GALNT18: variants seen among roughly 807,000 people sequenced by gnomAD.
GALNT18 encodes the protein GalNAc-transferase 18.
GALNT18 carries 44 observed loss-of-function variants against 69.5 expected under a neutral mutation model. The observed-to-expected ratio is 0.63, with a 90% CI of 0.50 to 0.81. The LOEUF (loss-of-function observed/expected upper bound fraction) is 0.81, where lower values mean the gene tolerates loss of function less well. Ranked by LOEUF, GALNT18 falls within the 40% of genes least tolerant of loss-of-function variation. The probability of loss-of-function intolerance (pLI) is 0.00; values close to 1 mark genes in which losing one functional copy is unlikely to be tolerated. For missense variants in GALNT18, 715 were observed against 810.0 expected, an observed-to-expected ratio of 0.88 and a Z score of 1.42; for synonymous variants, 364 against 318.2, an observed-to-expected ratio of 1.14 and a Z score of -1.53.
rs550726452 is a variant in GALNT18, at chr11:11,492,594, G to T, written c.236-43658C>A. Among the ~76,000 whole-genome samples, 11 of 152,264 alleles carry T rather than the reference G, an allele frequency of 7.2e-5. 1 individual carries two copies. The South Asian group carries it at 1.9e-3, about 26-fold the overall frequency. On this transcript the variant is annotated intron_variant, in intron 1 of 10. Coordinates refer to ENST00000227756, the MANE Select transcript of GALNT18 (RefSeq NM_198516.3). ...AAAAAAGAATGAGTTCATGTCCTTTGCAGGGACATGGATGAAGCTGGAAAC... is the reference window on the plus strand; with the variant it reads ...AAAAAAGAATGAGTTCATGTCCTTTTCAGGGACATGGATGAAGCTGGAAAC...
intron 1 of GALNT18, among the ~76,000 whole-genome samples, chr11:11,485,086 GACA>G (rs1590044070): frequency 6.6e-6 from 1 of 152,214 alleles, no homozygotes; most frequent in Non-Finnish European, 1.5e-5. Context: ...ACAATGTAGG[GACA>G]ACATGTTTAT....
chr11:11,286,910 C>T (rs983949941), intron 10 of GALNT18, among the ~76,000 whole-genome samples: 17 of 152,266 alleles, frequency 1.1e-4, no homozygotes, highest in African/African-American at 3.4e-4. Flanking sequence ...CATCTAACTT[C>T]GGGAGCTTAG....
intron 1 of GALNT18, among the ~76,000 whole-genome samples, chr11:11,522,644 A>C (rs1419771958): frequency 6.6e-6 from 1 of 152,202 alleles, no homozygotes; most frequent in African/African-American, 2.4e-5. Context: ...TAGAATCCTG[A>C]CACAAGCTAC....
chr11:11,329,991 A>G (rs1849990389), intron 8 of GALNT18, among the ~76,000 whole-genome samples: 1 of 152,198 alleles, frequency 6.6e-6, no homozygotes, highest in Non-Finnish European at 1.5e-5. Context: ...TAACATTCAG[A>G]AGCCAGGCAT....
rs569997151 is a variant in GALNT18 at position 11,454,081 on chromosome 11, G to A, written c.236-5145C>T. Among the ~76,000 whole-genome samples the A allele has an allele frequency of 5.3e-5, 8 of 152,244 alleles. No homozygotes were observed. Among genetic ancestry groups the A allele is most frequent in the African/African-American group, 9.6e-5 (4 of 41,552 alleles). Reference sequence around the variant, plus strand: ...AATAGGGCATTAGCAGTGGGTCGTCGTGAGGTCAGAAAACTCCCTGCCTAC... The same window carrying A: ...AATAGGGCATTAGCAGTGGGTCGTCATGAGGTCAGAAAACTCCCTGCCTAC... On this transcript the variant is annotated intron_variant, in intron 1 of 10. Transcript: ENST00000227756. This position sits in a 1 kb window ranked among gnomAD's most constrained non-coding sequence, Gnocchi z 4.2.
At chr11:11,479,517 C>G (rs1227331980) in intron 1 of GALNT18, among the ~76,000 whole-genome samples, 1 of 152,150 alleles carries the variant, frequency 6.6e-6, no homozygotes, top group Non-Finnish European at 1.5e-5. Context: ...TTCAATAGTG[C>G]TTCCCAGATC....
rs1036095453 is a variant in GALNT18, at chr11:11,592,100, T to G, written c.235+29259A>C. Among the ~76,000 whole-genome samples, 1 of 152,168 alleles carries G rather than the reference T, an allele frequency of 6.6e-6. No homozygotes were observed. The highest frequency in any genetic ancestry group is 2.4e-5 in the African/African-American group (1 of 41,454). ...CATGGTACCTGGCATGTAATAAAACTCAATAAATGCTAGCTATTTGGCACA... is the reference window on the plus strand; with the variant it reads ...CATGGTACCTGGCATGTAATAAAACGCAATAAATGCTAGCTATTTGGCACA... On this transcript the variant is annotated intron_variant, in intron 1 of 10. Transcript: ENST00000227756. This position sits in a 1 kb window ranked among gnomAD's most constrained non-coding sequence, Gnocchi z 5.9.
At position 11,339,387 on chromosome 11, in the gene GALNT18, G is replaced by C. The variant is rs1186483487; in HGVS notation, c.1278+1432C>G. Among the ~76,000 whole-genome samples the C allele has an allele frequency of 6.6e-6, 1 of 152,100 alleles. No homozygotes were observed. Among genetic ancestry groups the C allele is most frequent in the Non-Finnish European group, 1.5e-5 (1 of 68,030 alleles). On this transcript the variant is annotated intron_variant, in intron 7 of 10. Coordinates refer to ENST00000227756, the MANE Select transcript of GALNT18 (RefSeq NM_198516.3). The surrounding 1 kb of genome is among the most constrained non-coding windows in gnomAD (Gnocchi z 5.2). ...CACCTGTCAGCTGCAAGGGGGAGAG[G>C]GCTAGAAGTTTTGCAGCTCTGGGGT...
rs1038768158 is a variant in GALNT18, at chr11:11,546,386, GCT to G, written c.235+74971_235+74972del. Among the ~76,000 whole-genome samples the G allele has an allele frequency of 1.3e-5, 2 of 151,872 alleles. No individual in the cohort carries two copies. Among genetic ancestry groups the G allele is most frequent in the Non-Finnish European group, 2.9e-5 (2 of 67,980 alleles). On this transcript the variant is annotated intron_variant, in intron 1 of 10. Transcript: ENST00000227756. The surrounding 1 kb of genome is among the most constrained non-coding windows in gnomAD (Gnocchi z 5.8). ...TTTATTCTCTCCATTTCTGCCTTCC[GCT>G]CTCTGTGCCAACCACACCAACCTGC...
chr11:11,361,105 G>T (rs1009882661), intron 6 of GALNT18, among the ~76,000 whole-genome samples: 1 of 152,196 alleles, frequency 6.6e-6, no homozygotes, highest in Non-Finnish European at 1.5e-5. Context: ...TCAAAGGCAG[G>T]GGCTGTCATT....
rs1386523410 is a variant in GALNT18, at chr11:11,582,934, G to A, written c.235+38425C>T. Among the ~76,000 whole-genome samples the A allele has an allele frequency of 1.3e-5, 2 of 152,140 alleles. No individual in the cohort carries two copies. Among genetic ancestry groups the A allele is most frequent in the African/African-American group, 2.4e-5 (1 of 41,424 alleles). On this transcript the variant is annotated intron_variant, in intron 1 of 10. Transcript: ENST00000227756. This position sits in a 1 kb window ranked among gnomAD's most constrained non-coding sequence, Gnocchi z 5.0. ...CACACCCCACAGAAGTGGTTGTCAT[G>A]GTCCTGCAGAGAGGAAGATCTAAGA...
intron 1 of GALNT18, among the ~76,000 whole-genome samples, chr11:11,539,004 T>G (rs551473963): frequency 1.3e-5 from 2 of 152,156 alleles, no homozygotes; most frequent in African/African-American, 4.8e-5. Context: ...GACCTAACTA[T>G]CTTGTTCTCT....
intron 10 of GALNT18, among the ~76,000 whole-genome samples, chr11:11,280,102 TAAAG>T (rs1590001357): frequency 6.6e-6 from 1 of 151,988 alleles, no homozygotes; most frequent in Admixed American, 6.6e-5. Context: ...TTCACACAAA[TAAAG>T]CAAGATTCCT....
rs1351986241 is a variant in GALNT18 at position 11,461,551 on chromosome 11, C to T, written c.236-12615G>A. On this transcript the variant is annotated intron_variant, in intron 1 of 10. Transcript: ENST00000227756. The surrounding 1 kb of genome is among the most constrained non-coding windows in gnomAD (Gnocchi z 4.1). Reference sequence around the variant, plus strand: ...ATATAATAAACTCTGAAGCACATACCGTTATCCCCCCCGCTCCCGCCCGCC... The same window carrying T: ...ATATAATAAACTCTGAAGCACATACTGTTATCCCCCCCGCTCCCGCCCGCC... Among the ~76,000 whole-genome samples the T allele has an allele frequency of 2.0e-5, 3 of 152,086 alleles. No homozygotes were observed. Among genetic ancestry groups the T allele is most frequent in the African/African-American group, 2.4e-5 (1 of 41,376 alleles).
intron 1 of GALNT18, among the ~76,000 whole-genome samples, chr11:11,612,764 C>T (rs911019983): frequency 2.6e-5 from 4 of 152,224 alleles, no homozygotes; most frequent in East Asian, 1.9e-4. Flanking sequence ...AACCTATTCA[C>T]GCTAAAGAAC....
chr11:11,285,491 G>C (rs1396519377), intron 10 of GALNT18, among the ~76,000 whole-genome samples: 1 of 152,146 alleles, frequency 6.6e-6, no homozygotes, highest in Non-Finnish European at 1.5e-5. Context: ...ATCACACCTA[G>C]TCCCGGTCCC....
chr11:11,311,752 A>G (rs1849676837), intron 9 of GALNT18, among the ~76,000 whole-genome samples: 1 of 152,180 alleles, frequency 6.6e-6, no homozygotes, highest in Non-Finnish European at 1.5e-5. Flanking sequence ...ATAAAAATAT[A>G]CTGAATGTGA....
chr11:11,328,147 C>T lies in GALNT18; in HGVS notation c.1417-966G>A, dbSNP rs187345896. On this transcript the variant is annotated intron_variant, in intron 8 of 10. Coordinates refer to ENST00000227756, the MANE Select transcript of GALNT18 (RefSeq NM_198516.3). The stretch of plus-strand genomic sequence containing the variant: ...TTGTGATCAAGGATATGATGATGCA[C>T]GAGGCAGACAGAATGAGAGACAAAA... Among the ~76,000 whole-genome samples, 257 of 152,202 alleles carry T rather than the reference C, an allele frequency of 1.7e-3. 3 individuals are homozygous for T. Among genetic ancestry groups the T allele is most frequent in the African/African-American group, 5.8e-3 (241 of 41,538 alleles).
chr11:11,537,267 C>A (rs1285726730), intron 1 of GALNT18, among the ~76,000 whole-genome samples: 1 of 152,092 alleles, frequency 6.6e-6, no homozygotes, highest in African/African-American at 2.4e-5. Context: ...ACTGTGCTAC[C>A]CTACTCTGTA....
Sources: gnomAD v4.1 joint callset for allele counts (sites outside exome capture counted in the v4.1 genomes callset) on GRCh38, gnomAD v4.1.1 for gene constraint, Gnocchi (gnomAD v3.1) non-coding constraint, MANE v1.5 for transcripts, NCBI Gene and HGNC (gene_info 2026-07-23, HGNC 2026-07-21) for gene names.